Variants in SENP5 observed in about 807,000 individuals in gnomAD.
The protein encoded by SENP5 is sentrin-specific protease 5.
A neutral mutation model predicts 74.2 loss-of-function variants in SENP5; 21 were observed. That is an observed-to-expected ratio of 0.28 (90% CI 0.20 to 0.41). SENP5 has a LOEUF of 0.41. Ranked by LOEUF, SENP5 falls within the 10% of genes least tolerant of loss-of-function variation. The probability of loss-of-function intolerance (pLI) is 1.00; values close to 1 mark genes in which losing one functional copy is unlikely to be tolerated. For missense variants in SENP5, 717 were observed against 889.1 expected (o/e 0.81, Z 2.46); for synonymous variants, 311 against 312.7 (o/e 0.99, Z 0.06).
At chr3:196,888,668 G>T (rs1328840612) in intron 2 of SENP5, among the ~76,000 whole-genome samples, 2 of 152,064 alleles carry the variant, frequency 1.3e-5, no homozygotes, top group African/African-American at 4.8e-5. Context: ...TATGACATAT[G>T]TAGGATGAGT....
chr3:196,869,335 C>T (rs1713100499), intron 1 of SENP5, among the ~76,000 whole-genome samples: 1 of 151,972 alleles, frequency 6.6e-6, no homozygotes, highest in Non-Finnish European at 1.5e-5. Context: ...TCCAGAGTAG[C>T]TGGGATTACA....
chr3:196,871,734 ACTCCTAG>A (rs1713224398), intron 1 of SENP5, among the ~76,000 whole-genome samples: 2 of 151,350 alleles, frequency 1.3e-5, no homozygotes, highest in Admixed American at 1.3e-4. Flanking sequence ...ACACACTCGT[ACTCCTAG>A]CTACTCAGGA....
chr3:196,923,940 G>A (rs993658056), intron 7 of SENP5, among the ~76,000 whole-genome samples: 1 of 152,130 alleles, frequency 6.6e-6, no homozygotes, highest in African/African-American at 2.4e-5. Context: ...ATAAACAGAT[G>A]GTGGGATACA....
intron 6 of SENP5, among the ~76,000 whole-genome samples, chr3:196,919,417 G>T (rs1715521577): frequency 6.6e-6 from 1 of 152,200 alleles, no homozygotes; most frequent in South Asian, 2.1e-4. Context: ...AGCAGCGGAG[G>T]TTTTGTTGAG....
At chr3:196,887,712 A>T (rs1327304306) in intron 2 of SENP5, among the ~76,000 whole-genome samples, 1 of 152,056 alleles carries the variant, frequency 6.6e-6, no homozygotes, top group African/African-American at 2.4e-5. Context: ...AAATTGTTTG[A>T]TATTTTTGCT....
chr3:196,887,758 A>G (rs1436519616), intron 2 of SENP5, among the ~76,000 whole-genome samples: 1 of 151,908 alleles, frequency 6.6e-6, no homozygotes, highest in Non-Finnish European at 1.5e-5. Flanking sequence ...AGTAAAACTT[A>G]TCTGTCTTTT....
At position 196,931,438 on chromosome 3, in the gene SENP5, C is replaced by T. The variant is rs1716035469; in HGVS notation, c.*515C>T. On this transcript the variant is annotated 3_prime_UTR_variant, in exon 10 of 10. Coordinates refer to ENST00000323460, the MANE Select transcript of SENP5 (RefSeq NM_152699.5). ...CCAGCGGCAACTTTCACCAACTTCC[C>T]TCTCCAAGTGAGTCTTAGAGAGTGC... 6.1e-6 allele frequency: 1 copy of T among 164,452 alleles called. No individual in the cohort carries two copies. Among genetic ancestry groups the T allele is most frequent in the African/African-American group, 2.4e-5 (1 of 41,356 alleles). The allele number at this position is 164,452 out of a possible 1,614,324, so 10.2% of individuals were successfully genotyped here. A position where few individuals can be genotyped will look rare whatever the true frequency, so the allele number is the denominator to read the frequency against.
chr3:196,891,783 C>T (rs1416108843), intron 2 of SENP5, among the ~76,000 whole-genome samples: 2 of 152,130 alleles, frequency 1.3e-5, no homozygotes, highest in African/African-American at 4.8e-5. Flanking sequence ...TGGGTGACAG[C>T]AAGACCTTGT....
intron 2 of SENP5, among the ~76,000 whole-genome samples, chr3:196,897,884 C>T (rs960484891): frequency 1.6e-4 from 25 of 152,108 alleles, no homozygotes; most frequent in Non-Finnish European, 1.5e-5. Flanking sequence ...AAATAATGTC[C>T]TGGGTGGCCA....
At chr3:196,888,879 G>A (rs1240945188) in intron 2 of SENP5, among the ~76,000 whole-genome samples, 2 of 152,072 alleles carry the variant, frequency 1.3e-5, no homozygotes, top group African/African-American at 2.4e-5. Context: ...CACTTTGGGA[G>A]GCCGAGGCGG....
intron 1 of SENP5, among the ~76,000 whole-genome samples, chr3:196,881,870 G>T (rs1713738946): frequency 1.6e-5 from 2 of 125,248 alleles, no homozygotes; most frequent in African/African-American, 6.0e-5. Flanking sequence ...TGTAATATTT[G>T]CTTTTGCTTC....
At chr3:196,926,363 T>TCCCAGC (rs1715811260) in intron 7 of SENP5, among the ~76,000 whole-genome samples, 1 of 151,228 alleles carries the variant, frequency 6.6e-6, no homozygotes, top group Admixed American at 6.6e-5. Flanking sequence ...ACGCCTGTAG[T>TCCCAGC]CCCAGCTACT....
intron 6 of SENP5, among the ~76,000 whole-genome samples, chr3:196,915,564 G>A (rs1035033154): frequency 3.9e-5 from 6 of 152,132 alleles, no homozygotes; most frequent in East Asian, 3.9e-4. Context: ...AAATATCAGC[G>A]GTCGCCAGGC....
At chr3:196,913,519 A>G (rs1715220989) in intron 6 of SENP5, among the ~76,000 whole-genome samples, 1 of 149,722 alleles carries the variant, frequency 6.7e-6, no homozygotes, top group African/African-American at 2.5e-5. Flanking sequence ...CAGTGAGCTG[A>G]GATCATGCCA....
intron 4 of SENP5, 114 bp from the exon 5 acceptor site, chr3:196,900,251 G>A: frequency 9.0e-7 from 1 of 1,114,126 alleles, no homozygotes; most frequent in African/African-American, 1.6e-5. Flanking sequence ...ATTCTGATTG[G>A]GATGTACTGA....
At chr3:196,919,164 C>T (rs1344203685) in intron 6 of SENP5, among the ~76,000 whole-genome samples, 1 of 152,206 alleles carries the variant, frequency 6.6e-6, no homozygotes, top group East Asian at 1.9e-4. Context: ...GACCTCAACA[C>T]CCCACTTTCA....
At chr3:196,895,699 T>C (rs1172561826) in intron 2 of SENP5, among the ~76,000 whole-genome samples, 1 of 152,108 alleles carries the variant, frequency 6.6e-6, no homozygotes, top group Non-Finnish European at 1.5e-5. Context: ...TTTTTGTATT[T>C]TTTGTAGAGA....
At chr3:196,881,082 G>A (rs1354646563) in intron 1 of SENP5, among the ~76,000 whole-genome samples, 2 of 151,962 alleles carry the variant, frequency 1.3e-5, no homozygotes, top group Non-Finnish European at 2.9e-5. Context: ...GAGTAGCTGG[G>A]ACCACAGGCA....
chr3:196,928,712 G>A (rs182190819), intron 8 of SENP5, among the ~76,000 whole-genome samples: 1 of 152,064 alleles, frequency 6.6e-6, no homozygotes, highest in Admixed American at 6.5e-5. Context: ...CCCTTGAACC[G>A]AACCAAATGC....
Sources: gnomAD v4.1 joint callset for allele counts (sites outside exome capture counted in the v4.1 genomes callset) on GRCh38, gnomAD v4.1.1 for gene constraint, MANE v1.5 for transcripts, NCBI Gene and HGNC (gene_info 2026-07-23, HGNC 2026-07-21) for gene names.